The following PDK4 variants were observed in gnomAD, a reference collection of about 807,000 sequenced individuals.
PDK4 encodes pyruvate dehydrogenase kinase, isozyme 4.
Under a neutral mutation model 51.7 loss-of-function variants are expected in PDK4, and 43 were observed. That is an observed-to-expected ratio of 0.83 (90% confidence interval 0.65 to 1.07). PDK4 has a LOEUF of 1.07. Ranked by LOEUF, PDK4 falls within the 50% of genes least tolerant of loss-of-function variation. The probability of loss-of-function intolerance (pLI) is 0.00; values close to 1 mark genes in which losing one functional copy is unlikely to be tolerated. For synonymous variants in PDK4, 170 were observed against 176.6 expected (o/e 0.96, Z 0.30); for missense variants, 498 against 503.5 (o/e 0.99, Z 0.10).
rs1393044320 is a variant in PDK4 at position 95,596,326 on chromosome 7, G to A, written c.-33C>T. 5 of 1,550,094 alleles carry A rather than the reference G, an allele frequency of 3.2e-6. No individual in the cohort carries two copies. In the East Asian group the frequency reaches 1.3e-4, roughly 39 times the overall value. ...CCCACCCGGCCTGGCGGGGACTGTG[G>A]CTGGCTTGAGGGGCGAAGGCTGCTC... On this transcript the variant is annotated 5_prime_UTR_variant, in exon 1 of 11. Transcript: ENST00000005178.
intron 6 of PDK4, among the ~76,000 whole-genome samples, chr7:95,590,865 C>G (rs961663117): frequency 2.6e-5 from 4 of 152,098 alleles, no homozygotes; most frequent in African/African-American, 9.7e-5. Context: ...GAAAATAGTG[C>G]CTTTCGTTCA....
chr7:95,596,018 G>T, intron 1 of PDK4, 146 bp downstream of exon 1: 1 of 840,406 alleles, frequency 1.2e-6, no homozygotes, highest in Non-Finnish European at 1.8e-6. Flanking sequence ...AAAAGGAAAG[G>T]TGTGCTGGCG....
At chr7:95,589,513 A>G (rs1186096333) in intron 7 of PDK4, 127 bp downstream of exon 7, 1 of 550,988 alleles carries the variant, frequency 1.8e-6, no homozygotes, top group African/African-American at 1.9e-5. Context: ...TTCTCTTAGG[A>G]GGACTAGAAG....
chr7:95,588,521 T>C (rs1346140455), intron 7 of PDK4, among the ~76,000 whole-genome samples: 3 of 152,222 alleles, frequency 2.0e-5, no homozygotes, highest in Non-Finnish European at 4.4e-5. Context: ...TCACCACCTG[T>C]CTACTTTCTG....
chr7:95,596,088 C>T (rs1467052432), intron 1 of PDK4, 76 bp downstream of exon 1: 9 of 1,452,152 alleles, frequency 6.2e-6, no homozygotes, highest in Non-Finnish European at 8.3e-6. Context: ...GAGCCTAGCC[C>T]TCCCTCTACC....
rs1791568222 is a variant in PDK4, at chr7:95,592,810, TCCAA to T, written c.475_478del (p.Leu159IlefsTer5). On this transcript the variant is annotated frameshift_variant, in exon 4 of 11. Coordinates refer to ENST00000005178, the MANE Select transcript of PDK4 (RefSeq NM_002612.4). LOFTEE classifies it high-confidence loss of function. ...AGAAATACGGTTCATGTAAAATCGATCCAAGAAATATTGAAGATTTTGATTGGTG... is the reference window on the plus strand; with the variant it reads ...AGAAATACGGTTCATGTAAAATCGATGAAATATTGAAGATTTTGATTGGTG... The T allele has an allele frequency of 6.2e-7, 1 of 1,613,210 alleles. No individual in the cohort carries two copies. The highest frequency in any genetic ancestry group is 8.5e-7 in the Non-Finnish European group (1 of 1,179,528).
intron 1 of PDK4, among the ~76,000 whole-genome samples, chr7:95,595,441 A>C (rs1214414841): frequency 6.6e-6 from 1 of 152,200 alleles, no homozygotes; most frequent in Admixed American, 6.5e-5. Context: ...AGAAGTAAGA[A>C]TATCCCACAG....
At chr7:95,589,807 G>A (rs1333232688) in intron 6 of PDK4, 91 bp from the exon 7 acceptor site, 4 of 767,018 alleles carry the variant, frequency 5.2e-6, no homozygotes, top group Non-Finnish European at 9.1e-6. Flanking sequence ...TAGACTTCAA[G>A]AGGGTTGGCA....
In PDK4 at chr7:95,587,078, A is replaced by T; in HGVS notation, c.1027T>A (p.Tyr343Asn). The T allele has an allele frequency of 6.2e-7, 1 of 1,612,770 alleles. No homozygotes were observed. The highest frequency in any genetic ancestry group is 8.5e-7 in the Non-Finnish European group (1 of 1,178,874). ...GLPISRLYAK[Y>N]FQGDLNLYSL... is the part of the protein sequence containing the mutation. Reference sequence around the variant, plus strand: ...TAGAGATTCAGATCTCCTTGAAAGTACTTTGCATACAGACGAGAAATTGGC... The same window carrying T: ...TAGAGATTCAGATCTCCTTGAAAGTTCTTTGCATACAGACGAGAAATTGGC... Residue 343 changes from tyrosine to asparagine, a missense_variant, in exon 10 of 11, where the codon TAC becomes AAC. By Grantham distance (143) the Tyr-to-Asn change is moderately radical (BLOSUM62 -2). Coordinates refer to ENST00000005178, the MANE Select transcript of PDK4 (RefSeq NM_002612.4).
At chr7:95,589,570 A>G in intron 7 of PDK4, 70 bp downstream of exon 7, 1 of 771,436 alleles carries the variant, frequency 1.3e-6, no homozygotes, top group Non-Finnish European at 2.2e-6. Context: ...GGCGAATAAT[A>G]AAGGAGATAA....
At position 95,587,779 on chromosome 7, in the gene PDK4, A is replaced by ATAC; in HGVS notation, c.817_818insGTA (p.Leu273delinsArgIle). ...GACAACAATAACCTCTATTGGTGTA[A>ATAC]GGGAAGGCTGATTTTCCTGGTGTTC... On this transcript the variant is annotated protein_altering_variant, in exon 8 of 11. Coordinates refer to ENST00000005178, the MANE Select transcript of PDK4 (RefSeq NM_002612.4). 1 of 1,613,642 alleles carries ATAC rather than the reference A, an allele frequency of 6.2e-7. No individual in the cohort carries two copies. The highest frequency in any genetic ancestry group is 8.5e-7 in the Non-Finnish European group (1 of 1,179,548).
chr7:95,595,095 T>C lies in PDK4; in HGVS notation c.200A>G (p.Asn67Ser), dbSNP rs1174770846. The change falls in exon 2 of 11, where the codon AAC (asparagine) becomes AGC (serine). Residue 67 changes from asparagine to serine, a missense_variant. By Grantham distance (46) the Asn-to-Ser change is conservative. Transcript: ENST00000005178. ...GAGGATATCAATTTCCTTCAGAATG[T>C]TGGCGAGTCTCACAGGCAATTCTTG... is the stretch of plus-strand genomic sequence containing the variant. ...LRQELPVRLA[N>S]ILKEIDILPT... 9 of 1,612,756 alleles carry C rather than the reference T, an allele frequency of 5.6e-6. No individual in the cohort carries two copies. Among genetic ancestry groups the C allele is most frequent in the East Asian group, 4.5e-5 (2 of 44,846 alleles).
intron 2 of PDK4, among the ~76,000 whole-genome samples, chr7:95,594,494 T>C (rs1159592854): frequency 6.6e-6 from 1 of 152,070 alleles, no homozygotes; most frequent in African/African-American, 2.4e-5. Context: ...CTGAGGCATA[T>C]ACTTTAATCT....
Position 95,596,284 on chromosome 7 carries a change from CCG to C in PDK4, c.8_9del (p.Ala3GlyfsTer47), listed in dbSNP as rs764971363. Reference protein sequence around the residue: MKAARFVLRSAGS... With the variant: MKXARFVLRSAGS... ...CCAGCGCTGCGCAGCACGAAGCGGG[CCG>C]CCTTCATCTTGACGCCCACCCGGCC... On this transcript the variant is annotated frameshift_variant, in exon 1 of 11. Transcript: ENST00000005178. LOFTEE classifies it high-confidence loss of function. The C allele has an allele frequency of 1.6e-5, 25 of 1,573,538 alleles. No homozygotes were observed. The Admixed American group carries it at 4.4e-4, about 28-fold the overall frequency.
intron 2 of PDK4, 55 bp downstream of exon 2, chr7:95,594,968 T>G: frequency 1.5e-6 from 2 of 1,334,858 alleles, no homozygotes; most frequent in Non-Finnish European, 1.0e-6. Flanking sequence ...GTATAAGAAT[T>G]CATACCCGGG....
chr7:95,596,306 C>A lies in PDK4; in HGVS notation c.-13G>T, dbSNP rs199858922. 3.8e-6 allele frequency: 6 copies of A among 1,564,006 alleles called. No individual in the cohort carries two copies. Among genetic ancestry groups the A allele is most frequent in the Non-Finnish European group, 5.2e-6 (6 of 1,155,936 alleles). ...GGGCCGCCTTCATCTTGACGCCCAC[C>A]CGGCCTGGCGGGGACTGTGGCTGGC... On this transcript the variant is annotated 5_prime_UTR_variant, in exon 1 of 11. Transcript: ENST00000005178.
At chr7:95,589,420 G>T (rs1227761471) in intron 7 of PDK4, among the ~76,000 whole-genome samples, 1 of 152,192 alleles carries the variant, frequency 6.6e-6, no homozygotes, top group Non-Finnish European at 1.5e-5. Context: ...GATACATCAT[G>T]AATTGTATGA....
At chr7:95,587,646 CA>C in intron 8 of PDK4, 80 bp downstream of exon 8, 1 of 1,203,110 alleles carries the variant, frequency 8.3e-7, no homozygotes, top group Middle Eastern at 1.9e-4. Flanking sequence ...TTATCTATTG[CA>C]AAAAGCAGAC....
At position 95,592,603 on chromosome 7, in the gene PDK4, G is replaced by T; in HGVS notation, c.530-6C>A. 6.3e-7 allele frequency: 1 copy of T among 1,587,274 alleles called. No individual in the cohort carries two copies. The highest frequency in any genetic ancestry group is 8.6e-7 in the Non-Finnish European group (1 of 1,157,096). The stretch of plus-strand genomic sequence containing the variant: ...TGAGTCACTAAATATAAGAACTGTT[G>T]AAAAATAAAAACAAAAAAAAATTGT... On this transcript the variant is annotated splice_region_variant and splice_polypyrimidine_tract_variant and intron_variant, in intron 4 of 10. Transcript: ENST00000005178.
Sources: allele counts gnomAD v4.1 joint callset (sites outside exome capture counted in the v4.1 genomes callset), GRCh38; gene constraint gnomAD v4.1.1; transcripts MANE v1.5; gene names NCBI Gene and HGNC (gene_info 2026-07-23, HGNC 2026-07-21).